RPS6KC1: variants seen among roughly 807,000 people sequenced by gnomAD.
RPS6KC1 encodes ribosomal protein S6 kinase C1.
A neutral mutation model predicts 103.8 loss-of-function variants in RPS6KC1; 54 were observed. The ratio of observed to expected loss-of-function variants is 0.52; its 90% CI spans 0.42 to 0.65. RPS6KC1 has a LOEUF of 0.65. Among genes scored for constraint, RPS6KC1 ranks in the 30% least tolerant of loss-of-function variants. The probability of loss-of-function intolerance (pLI) is 0.00; values close to 1 mark genes in which losing one functional copy is unlikely to be tolerated. For synonymous variants in RPS6KC1, 439 were observed against 438.7 expected (o/e 1.00, Z -0.01); for missense variants, 1,151 against 1,253.8 (o/e 0.92, Z 1.24).
At chr1:213,669,362 G>T in the RPS6KC1 span, among the ~76,000 whole-genome samples, 3 of 152,242 alleles carry the variant, frequency 2.0e-5, no homozygotes, top group Non-Finnish European at 4.4e-5. Flanking sequence ...GAGAGAAAGG[G>T]GGGTGGCCAG....
chr1:213,132,578 G>T (rs1055140927), intron 6 of RPS6KC1, among the ~76,000 whole-genome samples: 1 of 152,116 alleles, frequency 6.6e-6, no homozygotes, highest in Non-Finnish European at 1.5e-5. Context: ...GGAAACTGGG[G>T]GCTCTAGTTA....
the RPS6KC1 span, among the ~76,000 whole-genome samples, chr1:213,327,580 T>C: frequency 6.6e-6 from 1 of 152,104 alleles, no homozygotes; most frequent in Non-Finnish European, 1.5e-5. Flanking sequence ...TAGTTGTGTG[T>C]GCGTGCGTGT....
chr1:213,352,468 A>G, the RPS6KC1 span, among the ~76,000 whole-genome samples: 3 of 152,192 alleles, frequency 2.0e-5, no homozygotes, highest in African/African-American at 7.2e-5. Flanking sequence ...TGGTGGCAAG[A>G]CTGGGGATCT....
chr1:213,272,586 A>G lies in RPS6KC1; in HGVS notation c.3153A>G (p.Lys1051=). Residue 1051 remains lysine (K), a synonymous_variant, in exon 15 of 15, where the codon AAA becomes AAG. Coordinates refer to ENST00000366960, the MANE Select transcript of RPS6KC1 (RefSeq NM_012424.6). ...GAGVAGVEDI[K]SHPFFTPVDW... ...GAGTTGCTGGTGTTGAAGATATCAAATCTCATCCATTTTTTACCCCTGTGG... is the reference window on the plus strand; with the variant it reads ...GAGTTGCTGGTGTTGAAGATATCAAGTCTCATCCATTTTTTACCCCTGTGG... The G allele has an allele frequency of 6.2e-7, 1 of 1,614,026 alleles. No individual in the cohort carries two copies. The highest frequency in any genetic ancestry group is 8.5e-7 in the Non-Finnish European group (1 of 1,179,930).
chr1:213,700,239 T>C, the RPS6KC1 span, among the ~76,000 whole-genome samples: 3 of 151,994 alleles, frequency 2.0e-5, no homozygotes, highest in East Asian at 1.9e-4. Flanking sequence ...TGGTGAGAGA[T>C]AGGGGTTTCG....
At chr1:213,140,963 C>T (rs1041928948) in intron 6 of RPS6KC1, among the ~76,000 whole-genome samples, 3 of 145,964 alleles carry the variant, frequency 2.1e-5, no homozygotes, top group Non-Finnish European at 4.5e-5. Flanking sequence ...ATGGCGTGAT[C>T]TTGGCTCACT....
chr1:213,801,520 A>G, the RPS6KC1 span, among the ~76,000 whole-genome samples: 1 of 152,234 alleles, frequency 6.6e-6, no homozygotes, highest in Admixed American at 6.5e-5. Context: ...AATAAGAATA[A>G]CATGTTTTAT....
At chr1:213,589,608 C>T in the RPS6KC1 span, among the ~76,000 whole-genome samples, 2 of 149,158 alleles carry the variant, frequency 1.3e-5, no homozygotes, top group Non-Finnish European at 3.0e-5. Flanking sequence ...CGCCATTGCA[C>T]TCTAGTCTGG....
At chr1:213,846,773 C>T in the RPS6KC1 span, among the ~76,000 whole-genome samples, 1 of 152,080 alleles carries the variant, frequency 6.6e-6, no homozygotes, top group Non-Finnish European at 1.5e-5. Context: ...ATCTTTCAAT[C>T]GTCTCAATAA....
chr1:213,092,479 G>A (rs2081058603), intron 3 of RPS6KC1, among the ~76,000 whole-genome samples: 1 of 150,986 alleles, frequency 6.6e-6, no homozygotes, highest in South Asian at 2.1e-4. Context: ...AGACAATCCT[G>A]GCTAACATGG....
At chr1:213,692,655 G>A in the RPS6KC1 span, among the ~76,000 whole-genome samples, 1 of 152,104 alleles carries the variant, frequency 6.6e-6, no homozygotes, top group South Asian at 2.1e-4. Context: ...GTGCTCACTT[G>A]AGATATTATT....
chr1:213,139,408 T>C (rs1277655604), intron 6 of RPS6KC1, among the ~76,000 whole-genome samples: 1 of 152,120 alleles, frequency 6.6e-6, no homozygotes, highest in Admixed American at 6.6e-5. Context: ...TGTCATGAAG[T>C]CTTTGCCTGG....
intron 12 of RPS6KC1, among the ~76,000 whole-genome samples, chr1:213,247,855 G>A (rs1268941699): frequency 6.6e-6 from 1 of 152,086 alleles, no homozygotes; most frequent in Non-Finnish European, 1.5e-5. Flanking sequence ...TGTTAGTAGA[G>A]TTAAAAAATT....
chr1:213,185,932 T>C (rs1473782425), intron 8 of RPS6KC1, among the ~76,000 whole-genome samples: 1 of 150,958 alleles, frequency 6.6e-6, no homozygotes, highest in Admixed American at 6.6e-5. Context: ...ATCTTACAAA[T>C]ATAACAAGAG....
chr1:213,802,740 A>C, the RPS6KC1 span, among the ~76,000 whole-genome samples: 454 of 152,302 alleles, frequency 3.0e-3, 4 homozygotes, highest in African/African-American at 0.01. Flanking sequence ...TAAAAACAGA[A>C]TTGACCCTTG....
the RPS6KC1 span, among the ~76,000 whole-genome samples, chr1:213,343,391 GTATATATATATATATATA>G: frequency 4.7e-3 from 307 of 65,902 alleles, 26 homozygotes; most frequent in South Asian, 5.1e-3. Flanking sequence ...AGTGTTGTGT[GTATATATATATATATATA>G]TATATATATA....
At chr1:213,195,905 C>G (rs2092929997) in intron 8 of RPS6KC1, among the ~76,000 whole-genome samples, 2 of 151,614 alleles carry the variant, frequency 1.3e-5, no homozygotes, top group African/African-American at 4.8e-5. Context: ...AGGCTGGCTT[C>G]ATATTTTTGC....
At chr1:213,643,150 G>A in the RPS6KC1 span, among the ~76,000 whole-genome samples, 1 of 151,706 alleles carries the variant, frequency 6.6e-6, no homozygotes, top group Non-Finnish European at 1.5e-5. Flanking sequence ...CCTTACTATT[G>A]TTGGCATTTA....
At chr1:213,802,578 G>A in the RPS6KC1 span, among the ~76,000 whole-genome samples, 199 of 152,254 alleles carry the variant, frequency 1.3e-3, 1 homozygote, top group Non-Finnish European at 2.4e-3. Flanking sequence ...AGACTTTTAT[G>A]TTTAGGAATG....
Sources: gnomAD v4.1 joint callset for allele counts (sites outside exome capture counted in the v4.1 genomes callset) on GRCh38, gnomAD v4.1.1 for gene constraint, MANE v1.5 for transcripts, NCBI Gene and HGNC (gene_info 2026-07-23, HGNC 2026-07-21) for gene names.